PPP2R5E: variants seen among roughly 807,000 people sequenced by gnomAD.
PPP2R5E encodes the protein protein phosphatase 2 regulatory subunit B'epsilon.
In PPP2R5E, 4 loss-of-function variants were observed where a neutral mutation model predicts 65.3. The ratio of observed to expected loss-of-function variants is 0.06; its 90% CI spans 0.03 to 0.14. The LOEUF (loss-of-function observed/expected upper bound fraction) is 0.14, where lower values mean the gene tolerates loss of function less well. PPP2R5E is among the 10% of genes least tolerant of loss of function. The pLI is 1.00. For missense variants in PPP2R5E, 274 were observed against 556.1 expected, an observed-to-expected ratio of 0.49 and a Z score of 5.10; for synonymous variants, 183 against 187.4, an observed-to-expected ratio of 0.98 and a Z score of 0.19.
At chr14:63,397,025 C>T (rs1885433169) in intron 5 of PPP2R5E, among the ~76,000 whole-genome samples, 1 of 152,190 alleles carries the variant, frequency 6.6e-6, no homozygotes, top group African/African-American at 2.4e-5. Flanking sequence ...TTAATCCTCC[C>T]AATGAGATAG....
chr14:63,468,117 G>A (rs1889929955), intron 2 of PPP2R5E, among the ~76,000 whole-genome samples: 1 of 152,210 alleles, frequency 6.6e-6, no homozygotes, highest in Non-Finnish European at 1.5e-5. Context: ...TTGTTAAAAA[G>A]CACTGCTGAG....
chr14:63,458,906 CT>C (rs1267564613), intron 2 of PPP2R5E, among the ~76,000 whole-genome samples: 39 of 152,194 alleles, frequency 2.6e-4, no homozygotes, highest in African/African-American at 9.4e-4. Context: ...TCACTTAGCC[CT>C]TTTACTTCTA....
rs568399722 is a variant in PPP2R5E at position 63,493,286 on chromosome 14, G to A, written c.158-39401C>T. 5.3e-5 allele frequency among the ~76,000 whole-genome samples: 8 copies of A among 151,922 alleles called. No individual in the cohort carries two copies. In the South Asian group the frequency reaches 1.2e-3, roughly 24 times the overall value. On this transcript the variant is annotated intron_variant, in intron 2 of 13. Transcript: ENST00000337537. ...TGCCTCCTGTGTAGCTGGGACTACA[G>A]GCACTTGCCACCAAGCCAAGCTAAT... is the stretch of plus-strand genomic sequence containing the variant.
intron 2 of PPP2R5E, among the ~76,000 whole-genome samples, chr14:63,517,459 C>CACTG (rs10679879): frequency 0.41 from 62,112 of 151,646 alleles, 16,091 homozygotes; most frequent in African/African-American, 0.75. Flanking sequence ...GTCATTTAAG[C>CACTG]ACTATCAAAA....
At chr14:63,397,487 G>C (rs1451614861) in intron 5 of PPP2R5E, among the ~76,000 whole-genome samples, 1 of 110,202 alleles carries the variant, frequency 9.1e-6, no homozygotes, top group Admixed American at 1.3e-4. Context: ...GGGCCATAGA[G>C]CAAGATTCGG....
chr14:63,406,553 C>T (rs1161377582), intron 5 of PPP2R5E, among the ~76,000 whole-genome samples: 4 of 152,142 alleles, frequency 2.6e-5, no homozygotes, highest in African/African-American at 9.7e-5. Flanking sequence ...TTACTGGGAG[C>T]GGATTGGCAG....
intron 2 of PPP2R5E, among the ~76,000 whole-genome samples, chr14:63,470,157 G>A (rs1352580918): frequency 2.6e-5 from 4 of 151,784 alleles, no homozygotes; most frequent in Admixed American, 6.6e-5. Context: ...CTGTAGCCTC[G>A]ACCTCCCTGG....
chr14:63,508,126 C>T (rs1892298883), intron 2 of PPP2R5E: 10 of 984,502 alleles, frequency 1.0e-5, no homozygotes, highest in Admixed American at 6.1e-5. Flanking sequence ...TCTACACACA[C>T]GAGTGTTCTC....
At chr14:63,398,421 A>C (rs940079935) in intron 5 of PPP2R5E, among the ~76,000 whole-genome samples, 1 of 152,264 alleles carries the variant, frequency 6.6e-6, no homozygotes, top group South Asian at 2.1e-4. Flanking sequence ...TAAGAGCCCA[A>C]AAGTAAGCCC....
chr14:63,414,046 T>C (rs1052536251), intron 5 of PPP2R5E, among the ~76,000 whole-genome samples: 3 of 152,184 alleles, frequency 2.0e-5, no homozygotes, highest in Non-Finnish European at 2.9e-5. Flanking sequence ...ACTTAGGATG[T>C]AGAGAGGCCT....
intron 3 of PPP2R5E, among the ~76,000 whole-genome samples, chr14:63,427,392 TC>T (rs1887397305): frequency 6.6e-6 from 1 of 152,092 alleles, no homozygotes; most frequent in Non-Finnish European, 1.5e-5. Flanking sequence ...TACACTGGTG[TC>T]AGTGCAAAGT....
chr14:63,464,210 G>C (rs1321895473), intron 2 of PPP2R5E, among the ~76,000 whole-genome samples: 1 of 152,132 alleles, frequency 6.6e-6, no homozygotes, highest in Non-Finnish European at 1.5e-5. Context: ...AAAGTCCTGA[G>C]CTTTACATTC....
At chr14:63,422,889 T>C (rs2139890356) in intron 3 of PPP2R5E, among the ~76,000 whole-genome samples, 1 of 152,298 alleles carries the variant, frequency 6.6e-6, no homozygotes, top group Admixed American at 6.5e-5. Flanking sequence ...CCTCAACAAG[T>C]TGGTTTACAA....
chr14:63,385,232 G>A (rs1183348590), intron 11 of PPP2R5E, among the ~76,000 whole-genome samples: 12 of 152,036 alleles, frequency 7.9e-5, no homozygotes. Context: ...AGGCTGAGGT[G>A]GGAGGACTGC....
rs1555353678 is a variant in PPP2R5E at position 63,374,634 on chromosome 14, G to GATTATATATATATATATATATATATATAT, written c.*1374_*1375insATATATATATATATATATATATATATAAT. 3.6e-5 allele frequency: 4 copies of GATTATATATATATATATATATATATATAT among 109,594 alleles called. No homozygotes were observed. The highest frequency in any genetic ancestry group is 1.9e-4 in the African/African-American group (4 of 20,646). 6.8% of individuals were successfully genotyped at this position (109,594 alleles called of 1,614,324 possible). On this transcript the variant is annotated 3_prime_UTR_variant, in exon 14 of 14. Transcript: ENST00000337537. ...TAAATACAAAGCAGAGAGCCAATAA[G>GATTATATATATATATATATATATATATAT]ATATATATATATATATATATATATA...
At chr14:63,395,402 GGA>G in intron 6 of PPP2R5E, 117 bp from the exon 7 acceptor site, 1 of 416,166 alleles carries the variant, frequency 2.4e-6, no homozygotes, top group Non-Finnish European at 4.2e-6. Flanking sequence ...AGGAGGAGGA[GGA>G]GAGCGGGGAA....
At chr14:63,456,553 T>C (rs1296954596) in intron 2 of PPP2R5E, among the ~76,000 whole-genome samples, 1 of 152,240 alleles carries the variant, frequency 6.6e-6, no homozygotes, top group Non-Finnish European at 1.5e-5. Flanking sequence ...TATATCTCCT[T>C]TAATCCCTTC....
chr14:63,515,285 C>T (rs868628644), intron 2 of PPP2R5E, among the ~76,000 whole-genome samples: 4 of 152,170 alleles, frequency 2.6e-5, no homozygotes, highest in African/African-American at 7.2e-5. Context: ...TTGAAGCTTT[C>T]GCTTCAGAGT....
At chr14:63,482,557 C>A (rs1368792939) in intron 2 of PPP2R5E, among the ~76,000 whole-genome samples, 1 of 152,042 alleles carries the variant, frequency 6.6e-6, no homozygotes, top group Admixed American at 6.5e-5. Context: ...TTGGTGAAAT[C>A]TTTATTTATT....
Sources: gnomAD v4.1 joint callset for allele counts (sites outside exome capture counted in the v4.1 genomes callset) on GRCh38, gnomAD v4.1.1 for gene constraint, MANE v1.5 for transcripts, NCBI Gene and HGNC (gene_info 2026-07-23, HGNC 2026-07-21) for gene names.